Variants in GUCY1A2 observed in about 807,000 individuals in gnomAD.
GUCY1A2 encodes guanylate cyclase 1 soluble subunit alpha 2, also known as guanylate cyclase soluble subunit alpha-2.
In GUCY1A2, 27 loss-of-function variants were observed where a neutral mutation model predicts 63.5. That is an observed-to-expected ratio of 0.43 (90% CI 0.31 to 0.59). GUCY1A2 has a LOEUF of 0.59. GUCY1A2 is among the 20% of genes least tolerant of loss of function. The probability of loss-of-function intolerance (pLI) is 0.11; values close to 1 mark genes in which losing one functional copy is unlikely to be tolerated. For synonymous variants in GUCY1A2, 364 were observed against 343.5 expected, an observed-to-expected ratio of 1.06 and a Z score of -0.66; for missense variants, 768 against 913.3, an observed-to-expected ratio of 0.84 and a Z score of 2.05.
chr11:106,976,148 A>C (rs1861258843), intron 3 of GUCY1A2, among the ~76,000 whole-genome samples: 2 of 152,180 alleles, frequency 1.3e-5, no homozygotes, highest in Admixed American at 6.5e-5. Context: ...TAAGAAGGTA[A>C]GAGAAATATA....
At chr11:106,902,562 T>A (rs2119830909) in intron 4 of GUCY1A2, among the ~76,000 whole-genome samples, 1 of 152,306 alleles carries the variant, frequency 6.6e-6, no homozygotes, top group Non-Finnish European at 1.5e-5. Context: ...CTTCATTAAT[T>A]ATCTTAGCTA....
rs71470827 is a variant in GUCY1A2, at chr11:106,698,119, A to ATT, written c.1992-10365_1992-10364dup. On this transcript the variant is annotated intron_variant, in intron 7 of 7. Coordinates refer to ENST00000526355, the MANE Select transcript of GUCY1A2 (RefSeq NM_000855.3). Reference sequence around the variant, plus strand: ...TTTACAGCTTTCACTGAATGTTAGAATTTTTTTTTTTTTTTTTTTAGACAG... The same window carrying ATT: ...TTTACAGCTTTCACTGAATGTTAGAATTTTTTTTTTTTTTTTTTTTTAGACAG... Among the ~76,000 whole-genome samples, 34 of 100,488 alleles carry ATT rather than the reference A, an allele frequency of 3.4e-4. 1 individual carries two copies. Among genetic ancestry groups the ATT allele is most frequent in the Middle Eastern group, 6.2e-3 (1 of 162 alleles). 65.9% of individuals were successfully genotyped at this position (100,488 alleles called of 152,430 possible). A position where few individuals can be genotyped will look rare whatever the true frequency, so the allele number is the denominator to read the frequency against.
At chr11:106,992,287 G>A (rs576640364) in intron 1 of GUCY1A2, among the ~76,000 whole-genome samples, 10 of 148,974 alleles carry the variant, frequency 6.7e-5, no homozygotes, top group East Asian at 2.0e-4. Flanking sequence ...CTCACGTGAC[G>A]AAAAGTAAAG....
At chr11:106,922,697 AT>A (rs1860464686) in intron 4 of GUCY1A2, among the ~76,000 whole-genome samples, 1 of 19,180 alleles carries the variant, frequency 5.2e-5, no homozygotes, top group Non-Finnish European at 1.2e-4. Context: ...ATATATATAT[AT>A]ATATATATAT....
chr11:106,979,332 G>A (rs1861304315), intron 2 of GUCY1A2, among the ~76,000 whole-genome samples: 1 of 151,986 alleles, frequency 6.6e-6, no homozygotes, highest in Non-Finnish European at 1.5e-5. Context: ...GCAGGCGCCT[G>A]TAGTCCCAGC....
chr11:106,799,980 G>A (rs1236027498), intron 5 of GUCY1A2, among the ~76,000 whole-genome samples: 1 of 152,064 alleles, frequency 6.6e-6, no homozygotes, highest in Non-Finnish European at 1.5e-5. Context: ...GAAAATTTTT[G>A]CAATTTACTC....
In GUCY1A2 at chr11:106,928,806, T is replaced by A. The variant is rs530877159; in HGVS notation, c.1206+10654A>T. Among the ~76,000 whole-genome samples the A allele has an allele frequency of 3.9e-4, 59 of 152,326 alleles. 1 individual carries two copies. The highest frequency in any genetic ancestry group is 1.4e-3 in the African/African-American group (58 of 41,578). ...TTTTTGTGTCTAAACATTGAAAAGGTATGATAAAATACGGCTTTACAATCC... is the reference window on the plus strand; with the variant it reads ...TTTTTGTGTCTAAACATTGAAAAGGAATGATAAAATACGGCTTTACAATCC... On this transcript the variant is annotated intron_variant, in intron 4 of 7. Transcript: ENST00000526355.
intron 3 of GUCY1A2, among the ~76,000 whole-genome samples, chr11:106,949,394 T>C (rs751549357): frequency 1.3e-5 from 2 of 152,252 alleles, no homozygotes; most frequent in African/African-American, 2.4e-5. Context: ...TGCTCAACAA[T>C]CTCTCTCTCA....
At chr11:106,858,045 C>A (rs566418667) in intron 4 of GUCY1A2, among the ~76,000 whole-genome samples, 3 of 152,252 alleles carry the variant, frequency 2.0e-5, no homozygotes, top group Non-Finnish European at 4.4e-5. Context: ...GCAATGACAA[C>A]CAACCTGAAA....
At chr11:106,930,183 T>C (rs1860581955) in intron 4 of GUCY1A2, among the ~76,000 whole-genome samples, 1 of 152,178 alleles carries the variant, frequency 6.6e-6, no homozygotes, top group Non-Finnish European at 1.5e-5. Flanking sequence ...AATGTGGTAG[T>C]TATTTTAAAA....
At chr11:106,898,370 T>C (rs938296788) in intron 4 of GUCY1A2, among the ~76,000 whole-genome samples, 1 of 152,206 alleles carries the variant, frequency 6.6e-6, no homozygotes, top group Admixed American at 6.5e-5. Flanking sequence ...GTTGAAAACA[T>C]GTATGCACAC....
intron 4 of GUCY1A2, chr11:106,826,603 C>G (rs571948646): frequency 4.9e-4 from 786 of 1,604,086 alleles, no homozygotes; most frequent in Non-Finnish European, 5.9e-4. Flanking sequence ...ATGATCTGAA[C>G]CTAAGCCCTG....
chr11:106,995,440 TTCTAAGC>T, intron 1 of GUCY1A2, among the ~76,000 whole-genome samples: 1 of 152,312 alleles, frequency 6.6e-6, no homozygotes, highest in East Asian at 1.9e-4. Flanking sequence ...TAACCTGCCC[TTCTAAGC>T]TGAAATACAT....
chr11:106,876,954 G>T (rs985084923), intron 4 of GUCY1A2, among the ~76,000 whole-genome samples: 2 of 152,022 alleles, frequency 1.3e-5, no homozygotes, highest in East Asian at 3.9e-4. Flanking sequence ...ATCTTGAGAT[G>T]GAGCAATTAT....
At chr11:106,694,544 A>G (rs1862682221) in intron 7 of GUCY1A2, among the ~76,000 whole-genome samples, 1 of 152,222 alleles carries the variant, frequency 6.6e-6, no homozygotes, top group African/African-American at 2.4e-5. Flanking sequence ...GACCATTAAC[A>G]GTGACTATTG....
At chr11:106,793,636 A>G (rs1310752967) in intron 5 of GUCY1A2, among the ~76,000 whole-genome samples, 4 of 152,200 alleles carry the variant, frequency 2.6e-5, no homozygotes, top group Admixed American at 6.6e-5. Context: ...ATATTCAAAG[A>G]ACTCATACAA....
rs111307286 is a variant in GUCY1A2 at position 106,770,218 on chromosome 11, A to G, written c.1836+6221T>C. On this transcript the variant is annotated intron_variant, in intron 6 of 7. Coordinates refer to ENST00000526355, the MANE Select transcript of GUCY1A2 (RefSeq NM_000855.3). Reference sequence around the variant, plus strand: ...GCATACAACCTATGGACATCCTACCACATTCTTTAAATCTTTAAATCCCCT... The same window carrying G: ...GCATACAACCTATGGACATCCTACCGCATTCTTTAAATCTTTAAATCCCCT... Among the ~76,000 whole-genome samples, 91 of 152,238 alleles carry G rather than the reference A, an allele frequency of 6.0e-4. 1 individual carries two copies. Among genetic ancestry groups the G allele is most frequent in the African/African-American group, 2.0e-3 (85 of 41,562 alleles).
At chr11:106,977,555 C>T (rs754577302) in intron 3 of GUCY1A2, among the ~76,000 whole-genome samples, 25 of 152,120 alleles carry the variant, frequency 1.6e-4, no homozygotes, top group South Asian at 2.1e-4. Context: ...TGTAGCCAAC[C>T]GGCAGCTGGA....
chr11:106,971,593 G>T (rs66521669), intron 3 of GUCY1A2, among the ~76,000 whole-genome samples: 23,551 of 152,058 alleles, frequency 0.15, 2,189 homozygotes, highest in South Asian at 0.26. Flanking sequence ...AGAGGGAAAG[G>T]TTAGAATGAT....
Sources: allele counts gnomAD v4.1 joint callset (sites outside exome capture counted in the v4.1 genomes callset), GRCh38; gene constraint gnomAD v4.1.1; transcripts MANE v1.5; gene names NCBI Gene and HGNC (gene_info 2026-07-23, HGNC 2026-07-21).